The following PSD3 variants were observed in gnomAD, a reference collection of about 807,000 sequenced individuals.
The protein encoded by PSD3 is PH and SEC7 domain-containing protein 3.
PSD3 carries 49 observed loss-of-function variants against 105.5 expected under a neutral mutation model. The observed-to-expected ratio is 0.46, with a 90% CI of 0.37 to 0.59. The LOEUF (loss-of-function observed/expected upper bound fraction) is 0.59. Ranked by LOEUF, PSD3 falls within the 20% of genes least tolerant of loss-of-function variation. PSD3 has a pLI of 0.00. For synonymous variants in PSD3, 557 were observed against 457.8 expected (o/e 1.22, Z -2.77); for missense variants, 1,561 against 1,263.8 (o/e 1.24, Z -3.57).
At chr8:18,651,395 C>G (rs1026158900) in intron 10 of PSD3, among the ~76,000 whole-genome samples, 4 of 152,242 alleles carry the variant, frequency 2.6e-5, no homozygotes, top group African/African-American at 9.6e-5. Context: ...GTCTTCCATG[C>G]ATTATCCTAC....
At chr8:18,881,429 G>A (rs1465101753) in intron 2 of PSD3, among the ~76,000 whole-genome samples, 3 of 152,144 alleles carry the variant, frequency 2.0e-5, no homozygotes, top group African/African-American at 7.2e-5. Context: ...CCTGTTTGAG[G>A]AGCAGTAAAT....
chr8:18,812,300 C>A (rs1156630540), intron 4 of PSD3, among the ~76,000 whole-genome samples: 1 of 152,188 alleles, frequency 6.6e-6, no homozygotes, highest in East Asian at 1.9e-4. Context: ...CCCCAGAACA[C>A]CTCTGCAGAG....
intron 10 of PSD3, among the ~76,000 whole-genome samples, chr8:18,649,796 G>A (rs1808337614): frequency 6.6e-6 from 1 of 152,176 alleles, no homozygotes; most frequent in South Asian, 2.1e-4. Flanking sequence ...ATGGTAGTGA[G>A]TAAGTTATTG....
chr8:18,957,692 C>A (rs574355192), intron 1 of PSD3, among the ~76,000 whole-genome samples: 1 of 152,316 alleles, frequency 6.6e-6, no homozygotes, highest in African/African-American at 2.4e-5. Flanking sequence ...TTGCCAACAT[C>A]CTCTCAGATC....
At chr8:18,634,472 G>C (rs917692797) in intron 10 of PSD3, among the ~76,000 whole-genome samples, 40 of 152,008 alleles carry the variant, frequency 2.6e-4, no homozygotes, top group African/African-American at 9.2e-4. Flanking sequence ...ATTAACGTAA[G>C]TTTAATACAA....
chr8:18,606,493 T>C (rs1723310606), intron 11 of PSD3, among the ~76,000 whole-genome samples: 1 of 152,252 alleles, frequency 6.6e-6, no homozygotes, highest in Admixed American at 6.5e-5. Flanking sequence ...TTAGATGTTT[T>C]ATTATGGGAG....
intron 9 of PSD3, among the ~76,000 whole-genome samples, chr8:18,676,074 T>C (rs1800048336): frequency 6.6e-6 from 1 of 152,178 alleles, no homozygotes; most frequent in African/African-American, 2.4e-5. Context: ...ATCTTTAAAA[T>C]GCAAATATAT....
chr8:18,941,195 C>A (rs1441722866), intron 1 of PSD3, among the ~76,000 whole-genome samples: 1 of 152,156 alleles, frequency 6.6e-6, no homozygotes, highest in African/African-American at 2.4e-5. Context: ...GAACATAAAT[C>A]TCCTTAAGAA....
In PSD3 at chr8:18,872,530, T is replaced by C. The variant is rs1163377116; in HGVS notation, c.334A>G (p.Lys112Glu). 6.2e-7 allele frequency: 1 copy of C among 1,614,124 alleles called. No individual in the cohort carries two copies. Among genetic ancestry groups the C allele is most frequent in the South Asian group, 1.1e-5 (1 of 91,064 alleles). ...TGAGAGGGGGCCTCTCTGACATCTTTTGGTCCTTCTGTAACACTGTCGAGC... is the reference window on the plus strand; with the variant it reads ...TGAGAGGGGGCCTCTCTGACATCTTCTGGTCCTTCTGTAACACTGTCGAGC... ...SGLDSVTEGP[K>E]DVREAPSQSH... The change falls in exon 3 of 16, where the codon AAA becomes GAA. Residue 112 changes from lysine to glutamate, a missense_variant. Lys to Glu is a moderately conservative substitution (Grantham distance 56). Transcript: ENST00000327040.
At chr8:18,784,626 C>T (rs1199419670) in intron 8 of PSD3, among the ~76,000 whole-genome samples, 1 of 152,108 alleles carries the variant, frequency 6.6e-6, no homozygotes. Context: ...GTTTAATTTA[C>T]TAGGAGGGCT....
chr8:18,951,284 C>A (rs1247852595), intron 1 of PSD3, among the ~76,000 whole-genome samples: 1 of 152,096 alleles, frequency 6.6e-6, no homozygotes, highest in African/African-American at 2.4e-5. Flanking sequence ...AACCTGTAGT[C>A]CCTGCTACTC....
chr8:18,684,507 GT>G (rs1235621268), intron 9 of PSD3, among the ~76,000 whole-genome samples: 1 of 152,168 alleles, frequency 6.6e-6, no homozygotes, highest in Non-Finnish European at 1.5e-5. Flanking sequence ...TTACAGGCTA[GT>G]GAAACGATGC....
chr8:19,079,954 A>G (rs567322208), intron 1 of PSD3, among the ~76,000 whole-genome samples: 1 of 150,704 alleles, frequency 6.6e-6, no homozygotes, highest in African/African-American at 2.4e-5. Flanking sequence ...CAGTGGTGCA[A>G]TCTTGGCTCA....
chr8:19,061,242 AAAAC>A (rs1303127574), intron 1 of PSD3, among the ~76,000 whole-genome samples: 5 of 152,314 alleles, frequency 3.3e-5, no homozygotes, highest in Middle Eastern at 3.4e-3. Flanking sequence ...CCACATTGAG[AAAAC>A]AAACAAACAA....
chr8:18,585,470 A>G (rs1051766059), intron 12 of PSD3, among the ~76,000 whole-genome samples: 2 of 152,012 alleles, frequency 1.3e-5, no homozygotes, highest in African/African-American at 4.8e-5. Context: ...GGCAAGTACC[A>G]CTATGTCTGG....
intron 14 of PSD3, among the ~76,000 whole-genome samples, chr8:18,563,287 A>T (rs182018669): frequency 4.9e-4 from 75 of 152,242 alleles, no homozygotes; most frequent in African/African-American, 1.7e-3. Flanking sequence ...TGCCCACAAA[A>T]CCTAACATAG....
intron 9 of PSD3, among the ~76,000 whole-genome samples, chr8:18,686,452 G>T (rs965840892): frequency 1.3e-5 from 2 of 152,142 alleles, no homozygotes; most frequent in Non-Finnish European, 2.9e-5. Context: ...TGCAAGTCAG[G>T]GAGAGAAAGT....
chr8:18,885,125 A>G (rs1818372391), intron 2 of PSD3, among the ~76,000 whole-genome samples: 1 of 152,066 alleles, frequency 6.6e-6, no homozygotes. Flanking sequence ...GGTTTTTTAT[A>G]TCCACATCTT....
chr8:18,566,010 T>A (rs1343803241), intron 14 of PSD3, among the ~76,000 whole-genome samples: 4 of 152,158 alleles, frequency 2.6e-5, no homozygotes, highest in Admixed American at 6.5e-5. Flanking sequence ...GGTTAAAGGA[T>A]GAGAGCTAGT....
Sources: allele counts gnomAD v4.1 joint callset (sites outside exome capture counted in the v4.1 genomes callset), GRCh38; gene constraint gnomAD v4.1.1; transcripts MANE v1.5; gene names NCBI Gene and HGNC (gene_info 2026-07-23, HGNC 2026-07-21).